Variants in MMAB observed in about 807,000 individuals in gnomAD.
MMAB encodes metabolism of cobalamin associated B, also known as corrinoid adenosyltransferase MMAB.
MMAB carries 17 observed loss-of-function variants against 30.6 expected under a neutral mutation model. That is an observed-to-expected ratio of 0.56 (90% confidence interval 0.38 to 0.83). The LOEUF is 0.83. MMAB is among the 40% of genes least tolerant of loss of function. The pLI, the probability that MMAB is intolerant of heterozygous loss-of-function variation, is 0.00. For missense variants in MMAB, 311 were observed against 331.6 expected (o/e 0.94, Z 0.48); for synonymous variants, 134 against 138.6 (o/e 0.97, Z 0.23).
intron 2 of MMAB, among the ~76,000 whole-genome samples, chr12:109,570,820 G>A (rs1884605388): frequency 7.0e-6 from 1 of 142,128 alleles, no homozygotes; most frequent in Admixed American, 7.4e-5. Flanking sequence ...GCTGTTGTGA[G>A]CCATGACTGA....
In MMAB at chr12:109,555,153, T is replaced by TTATA. The variant is rs10623308; in HGVS notation, c.*1871_*1874dup. The TTATA allele has an allele frequency of 2.3e-3, 1,003 of 441,858 alleles. 6 individuals carry two copies. Among genetic ancestry groups the TTATA allele is most frequent in the African/African-American group, 0.017 (851 of 49,040 alleles). The allele number at this position is 441,858 out of a possible 1,614,324, so 27.4% of individuals were successfully genotyped here. A position where few individuals can be genotyped will look rare whatever the true frequency, so the allele number is the denominator to read the frequency against. On this transcript the variant is annotated 3_prime_UTR_variant, in exon 9 of 9. Transcript: ENST00000545712. ...AGGCATGCAGGGCTGCTGTGTTATTTTATATATATATATATATTCCAGGAA... is the reference window on the plus strand; with the variant it reads ...AGGCATGCAGGGCTGCTGTGTTATTTTATATATATATATATATATATTCCAGGAA...
rs1757308508 is a variant in MMAB, at chr12:109,556,646, TCTCACACACACACACACA to T, written c.*364_*381del. On this transcript the variant is annotated 3_prime_UTR_variant, in exon 9 of 9. Transcript: ENST00000545712. ...CTGAGCTGGCAGTGGGAGGGCTCTCTCTCACACACACACACACACACACACACACACACACACACACAC... is the reference window on the plus strand; with the variant it reads ...CTGAGCTGGCAGTGGGAGGGCTCTCTCACACACACACACACACACACACAC... 16 of 427,864 alleles carry T rather than the reference TCTCACACACACACACACA, an allele frequency of 3.7e-5. No individual in the cohort carries two copies. Among genetic ancestry groups the T allele is most frequent in the Admixed American group, 1.0e-4 (4 of 40,108 alleles). The allele number at this position is 427,864 out of a possible 1,614,324, so 26.5% of individuals were successfully genotyped here. A position where few individuals can be genotyped will look rare whatever the true frequency, so the allele number is the denominator to read the frequency against.
At chr12:109,563,301 T>C (rs894400083) in intron 4 of MMAB, among the ~76,000 whole-genome samples, 13 of 152,222 alleles carry the variant, frequency 8.5e-5, no homozygotes, top group Non-Finnish European at 1.6e-4. Flanking sequence ...AAGTCAGCCT[T>C]TCTGAGGCTC....
intron 1 of MMAB, among the ~76,000 whole-genome samples, chr12:109,572,525 T>A (rs1168916941): frequency 6.6e-6 from 1 of 151,888 alleles, no homozygotes; most frequent in Non-Finnish European, 1.5e-5. Context: ...GTGTTGTGAT[T>A]ACAGGCGTGA....
intron 1 of MMAB, among the ~76,000 whole-genome samples, chr12:109,572,411 A>ATTTTTTTTTTT (rs34992643): frequency 8.4e-6 from 1 of 119,060 alleles, no homozygotes; most frequent in Non-Finnish European, 1.7e-5. Context: ...CACCCAGCTA[A>ATTTTTTTTTTT]TTTTTTTTTT....
chr12:109,568,400 T>G, intron 3 of MMAB: 1 of 319,590 alleles, frequency 3.1e-6, no homozygotes. Flanking sequence ...TTGGCTTATG[T>G]AAAAAACAAC....
rs1369813638 is a variant in MMAB, at chr12:109,561,810, G to C, written c.391C>G (p.Pro131Ala). 6.2e-7 allele frequency: 1 copy of C among 1,610,002 alleles called. No individual in the cohort carries two copies. The highest frequency in any genetic ancestry group is 8.5e-7 in the Non-Finnish European group (1 of 1,178,186). ...TGAGCCTCCCGGGCCGAGGAGCATG[G>C]TGTCGCCAGGGCCGAGCCGACGTCC... The part of the protein sequence containing the change: ...LQDVGSALAT[P>A]CSSAREAHLK... The change falls in exon 5 of 9, where the codon CCA becomes GCA. Residue 131 changes from proline to alanine, a missense_variant. Transcript: ENST00000545712. The surrounding 1 kb of genome is among the most constrained non-coding windows in gnomAD (Gnocchi z 5.3).
At chr12:109,571,874 C>T (rs921563571) in intron 1 of MMAB, among the ~76,000 whole-genome samples, 164 bp from the exon 2 acceptor site, 3 of 152,204 alleles carry the variant, frequency 2.0e-5, no homozygotes, top group Admixed American at 6.5e-5. Context: ...TAGATCCTTT[C>T]TAATAGCAAA....
intron 2 of MMAB, 136 bp downstream of exon 2, chr12:109,571,513 A>C: frequency 5.1e-6 from 4 of 784,376 alleles, no homozygotes; most frequent in Non-Finnish European, 4.4e-6. Context: ...GGGCCTCCCA[A>C]AGTGCCGGGA....
Position 109,556,127 on chromosome 12 carries a change from G to A in MMAB, c.*901C>T. ...GCACTGGCAGTGTCGTTTCATAGCA[G>A]GAGGGAGCAGCAGTGACAACTGAAA... is the stretch of plus-strand genomic sequence containing the variant. On this transcript the variant is annotated 3_prime_UTR_variant, in exon 9 of 9. Transcript: ENST00000545712. 1 of 453,662 alleles carries A rather than the reference G, an allele frequency of 2.2e-6. No individual in the cohort carries two copies. Among genetic ancestry groups the A allele is most frequent in the Non-Finnish European group, 4.4e-6 (1 of 226,396 alleles). The allele number at this position is 453,662 out of a possible 1,614,324, so 28.1% of individuals were successfully genotyped here. A position where few individuals can be genotyped will look rare whatever the true frequency, so the allele number is the denominator to read the frequency against.
At chr12:109,570,571 A>C (rs760070574) in intron 2 of MMAB, among the ~76,000 whole-genome samples, 2 of 152,210 alleles carry the variant, frequency 1.3e-5, no homozygotes, top group Non-Finnish European at 2.9e-5. Flanking sequence ...TTGTACTACA[A>C]AAAATGGTAT....
Position 109,559,122 on chromosome 12 carries a change from A to G in MMAB, c.618T>C (p.Asp206=), listed in dbSNP as rs1461731163. Residue 206 remains aspartate (D), a synonymous_variant, in exon 8 of 9, where the codon GAT becomes GAC. Coordinates refer to ENST00000545712, the MANE Select transcript of MMAB (RefSeq NM_052845.4). ...TGTTTAAGAACTTGGCCACGTTCGC[A>G]TCGGTCTCTCCCATCTGGACAAGAG... is the stretch of plus-strand genomic sequence containing the variant. The part of the protein sequence containing the change: ...VVPLVQMGET[D]ANVAKFLNRL... 11 of 1,613,810 alleles carry G rather than the reference A, an allele frequency of 6.8e-6. No homozygotes were observed. The Admixed American group carries it at 1.3e-4, about 20-fold the overall frequency.
Position 109,569,006 on chromosome 12 carries a change from C to T in MMAB, c.197-143G>A, listed in dbSNP as rs1884540451. The T allele has an allele frequency of 8.5e-6, 6 of 702,264 alleles. No individual in the cohort carries two copies. The highest frequency in any genetic ancestry group is 2.7e-5 in the East Asian group (1 of 36,862). 43.5% of individuals were successfully genotyped at this position (702,264 alleles called of 1,614,324 possible). ...TGTCATCCAGGCTGGAGTACAGCGG[C>T]GTGATCTTGGCTCACTGCAGCCTCC... On this transcript the variant is annotated intron_variant, in intron 2 of 8. Coordinates refer to ENST00000545712, the MANE Select transcript of MMAB (RefSeq NM_052845.4). The surrounding 1 kb of genome is among the most constrained non-coding windows in gnomAD (Gnocchi z 4.1).
At chr12:109,570,745 G>A (rs1297712818) in intron 2 of MMAB, among the ~76,000 whole-genome samples, 3 of 151,918 alleles carry the variant, frequency 2.0e-5, no homozygotes, top group Non-Finnish European at 2.9e-5. Context: ...ATGGCGATGT[G>A]TGCCTGTTGT....
intron 2 of MMAB, among the ~76,000 whole-genome samples, chr12:109,570,504 C>T (rs80330230): frequency 0.026 from 3,951 of 152,248 alleles, 151 homozygotes; most frequent in African/African-American, 0.089. Context: ...TGCTTTTATA[C>T]TTTTACTATA....
rs1459152297 is a variant in MMAB, at chr12:109,554,719, T to C, written c.*2309A>G. 4.4e-6 allele frequency: 2 copies of C among 453,992 alleles called. No individual in the cohort carries two copies. Among genetic ancestry groups the C allele is most frequent in the Non-Finnish European group, 8.8e-6 (2 of 226,780 alleles). 28.1% of individuals were successfully genotyped at this position (453,992 alleles called of 1,614,324 possible). A position where few individuals can be genotyped will look rare whatever the true frequency, so the allele number is the denominator to read the frequency against. On this transcript the variant is annotated 3_prime_UTR_variant, in exon 9 of 9. Transcript: ENST00000545712. ...AAAATATGGGAGGACATTTGCTCAG[T>C]GTACAGAGGGGTACACATCTTTTCT... is the stretch of plus-strand genomic sequence containing the variant.
chr12:109,568,769 C>T lies in MMAB; in HGVS notation c.290+1G>A, dbSNP rs1351673148. The T allele has an allele frequency of 6.2e-7, 1 of 1,612,482 alleles. No individual in the cohort carries two copies. ...CTCAAGGCCAATCCTGTCCCCCTTA[C>T]CCAATAGCTGAACTTAATTCATCTG... is the stretch of plus-strand genomic sequence containing the variant. On this transcript the variant is annotated splice_donor_variant, in intron 3 of 8. Coordinates refer to ENST00000545712, the MANE Select transcript of MMAB (RefSeq NM_052845.4). LOFTEE classifies it high-confidence loss of function.
Position 109,561,378 on chromosome 12 carries a change from C to A in MMAB, c.519+42G>T, listed in dbSNP as rs1185110262. 2 of 1,546,306 alleles carry A rather than the reference C, an allele frequency of 1.3e-6. No homozygotes were observed. The highest frequency in any genetic ancestry group is 1.7e-6 in the Non-Finnish European group (2 of 1,145,534). On this transcript the variant is annotated intron_variant, in intron 6 of 8. Coordinates refer to ENST00000545712, the MANE Select transcript of MMAB (RefSeq NM_052845.4). This position sits in a 1 kb window ranked among gnomAD's most constrained non-coding sequence, Gnocchi z 5.3. ...GAGCCCATGTGTGTCTGTCACTGAA[C>A]CTGCCTGCAGCCGCCCCCGGTTAAG...
At chr12:109,567,100 G>GCAGAGGTTGCAGTGA (rs1436181941) in intron 3 of MMAB, 2 of 451,734 alleles carry the variant, frequency 4.4e-6, no homozygotes, top group Admixed American at 4.7e-5. Context: ...AACCCGGGAG[G>GCAGAGGTTGCAGTGA]CAGAGGTTGC....
Sources: allele counts gnomAD v4.1 joint callset (sites outside exome capture counted in the v4.1 genomes callset), GRCh38; gene constraint gnomAD v4.1.1; non-coding constraint Gnocchi (gnomAD v3.1); transcripts MANE v1.5; gene names NCBI Gene and HGNC (gene_info 2026-07-23, HGNC 2026-07-21).